MRPL14: variants seen among roughly 807,000 people sequenced by gnomAD.
MRPL14 encodes mitochondrial ribosomal protein L14.
Under a neutral mutation model 10.9 loss-of-function variants are expected in MRPL14, and 8 were observed. That is an observed-to-expected ratio of 0.74 (90% confidence interval 0.43 to 1.33). The LOEUF (loss-of-function observed/expected upper bound fraction) is 1.33, where lower values mean the gene tolerates loss of function less well. Ranked by LOEUF, MRPL14 falls within the 40% of genes most tolerant of loss-of-function variation. The pLI, the probability that MRPL14 is intolerant of heterozygous loss-of-function variation, is 0.01. For missense variants in MRPL14, 179 were observed against 194.5 expected (o/e 0.92, Z 0.47); for synonymous variants, 82 against 74.1 (o/e 1.11, Z -0.54).
At position 44,114,303 on chromosome 6, in the gene MRPL14, G is replaced by GT; in HGVS notation, c.72-95dup. 2.1e-6 allele frequency: 3 copies of GT among 1,415,256 alleles called. No homozygotes were observed. In the East Asian group the frequency reaches 6.9e-5, roughly 33 times the overall value. 87.7% of individuals were successfully genotyped at this position (1,415,256 alleles called of 1,614,324 possible). On this transcript the variant is annotated intron_variant, in intron 2 of 2. Coordinates refer to ENST00000372014, the MANE Select transcript of MRPL14 (RefSeq NM_032111.4). ...GGTCAAGGCTAGGGAGAATGTACAT[G>GT]TCAGCAACACACACAGAGCAGAGTG...
chr6:44,116,523 C>A lies in MRPL14; in HGVS notation c.71+18G>T. On this transcript the variant is annotated intron_variant, in intron 2 of 2. Coordinates refer to ENST00000372014, the MANE Select transcript of MRPL14 (RefSeq NM_032111.4). Reference sequence around the variant, plus strand: ...TTACACAAAGACACAGTTTTAAGAACTTAATGGGAAAAGTTACCTGAAACA... The same window carrying A: ...TTACACAAAGACACAGTTTTAAGAAATTAATGGGAAAAGTTACCTGAAACA... 5 of 1,613,612 alleles carry A rather than the reference C, an allele frequency of 3.1e-6. No individual in the cohort carries two copies. The highest frequency in any genetic ancestry group is 4.2e-6 in the Non-Finnish European group (5 of 1,179,574).
At chr6:44,119,354 C>T (rs1389524897) in intron 1 of MRPL14, among the ~76,000 whole-genome samples, 1 of 151,940 alleles carries the variant, frequency 6.6e-6, no homozygotes, top group East Asian at 1.9e-4. Context: ...CATGGTGAAA[C>T]CCTTCTCTAC....
At chr6:44,117,311 G>C (rs1008291610) in intron 1 of MRPL14, among the ~76,000 whole-genome samples, 1 of 152,194 alleles carries the variant, frequency 6.6e-6, no homozygotes, top group Non-Finnish European at 1.5e-5. Flanking sequence ...AGCTAAAAGA[G>C]CAAACACCAA....
intron 1 of MRPL14, among the ~76,000 whole-genome samples, chr6:44,123,757 C>G (rs1203882494): frequency 6.6e-6 from 1 of 152,154 alleles, no homozygotes; most frequent in Non-Finnish European, 1.5e-5. Context: ...TGTAATTACA[C>G]CACTTTGGGA....
Position 44,116,557 on chromosome 6 carries a change from T to C in MRPL14, c.55A>G (p.Ser19Gly). ...GPFTCVSRVL[S>G]HHCFSTTGSL... ...AAAAGTTACCTGAAACAGTGATGGC[T>C]CAGCACTCTGCTTACACAGGTGAAG... Residue 19 changes from serine to glycine, a missense_variant, in exon 2 of 3, where the codon AGC (serine) becomes GGC (glycine). Transcript: ENST00000372014. 1 of 1,614,136 alleles carries C rather than the reference T, an allele frequency of 6.2e-7. No individual in the cohort carries two copies.
intron 2 of MRPL14, among the ~76,000 whole-genome samples, chr6:44,115,649 G>A (rs2061066360): frequency 6.6e-6 from 1 of 151,722 alleles, no homozygotes; most frequent in Non-Finnish European, 1.5e-5. Flanking sequence ...GAATATAAAA[G>A]TGATGCTACT....
intron 1 of MRPL14, among the ~76,000 whole-genome samples, chr6:44,120,203 C>T (rs1457052530): frequency 6.6e-6 from 1 of 152,174 alleles, no homozygotes; most frequent in Non-Finnish European, 1.5e-5. Context: ...AATTGCTACC[C>T]CTCCTGAACA....
chr6:44,113,732 G>T lies in MRPL14; in HGVS notation c.*111C>A. The T allele has an allele frequency of 8.8e-7, 1 of 1,134,886 alleles. No homozygotes were observed. The allele number at this position is 1,134,886 out of a possible 1,614,324, so 70.3% of individuals were successfully genotyped here. A position where few individuals can be genotyped will look rare whatever the true frequency, so the allele number is the denominator to read the frequency against. The stretch of plus-strand genomic sequence containing the variant: ...TTATTCTCTCACAGGATACTACACT[G>T]TTACCCAGTGTGAAGGGAGCAGCCA... On this transcript the variant is annotated 3_prime_UTR_variant, in exon 3 of 3. Transcript: ENST00000372014.
chr6:44,127,169 C>CCCCCCTCCCCGTCGGGACCA (rs1777221589), intron 1 of MRPL14, 175 bp downstream of exon 1: 1 of 44,996 alleles, frequency 2.2e-5, no homozygotes, highest in Non-Finnish European at 6.2e-5. Flanking sequence ...CCCGTCGGGA[C>CCCCCCTCCCCGTCGGGACCA]CCCCCTCCCC....
chr6:44,119,237 C>T (rs188464157), intron 1 of MRPL14, among the ~76,000 whole-genome samples: 18 of 151,872 alleles, frequency 1.2e-4, no homozygotes, highest in Admixed American at 7.9e-4. Context: ...AGAATACTGA[C>T]GTCAGCTGGG....
At chr6:44,125,928 CTAAT>C (rs979390388) in intron 1 of MRPL14, among the ~76,000 whole-genome samples, 2 of 152,174 alleles carry the variant, frequency 1.3e-5, no homozygotes, top group Non-Finnish European at 2.9e-5. Context: ...ACTGCCCTTC[CTAAT>C]TAAGCCAACC....
chr6:44,116,170 G>A (rs1195203864), intron 2 of MRPL14, among the ~76,000 whole-genome samples: 1 of 152,188 alleles, frequency 6.6e-6, no homozygotes, highest in African/African-American at 2.4e-5. Flanking sequence ...TCATGCTCAA[G>A]TTCTTGGTAA....
intron 2 of MRPL14, among the ~76,000 whole-genome samples, chr6:44,115,602 C>T (rs1775768479): frequency 6.6e-6 from 1 of 151,340 alleles, no homozygotes; most frequent in Admixed American, 6.6e-5. Flanking sequence ...AGTTGGTTCC[C>T]ATTGCACTTC....
chr6:44,115,883 C>T (rs542172731), intron 2 of MRPL14, among the ~76,000 whole-genome samples: 1 of 152,370 alleles, frequency 6.6e-6, no homozygotes, highest in African/African-American at 2.4e-5. Context: ...CTATATGACG[C>T]CTTCCAAAGC....
chr6:44,116,706 G>A (rs1775885903), intron 1 of MRPL14, 77 bp from the exon 2 acceptor site: 1 of 906,444 alleles, frequency 1.1e-6, no homozygotes, highest in South Asian at 1.3e-5. Context: ...GGGGACTTGT[G>A]TGGGAGATGG....
intron 1 of MRPL14, among the ~76,000 whole-genome samples, chr6:44,125,869 T>C (rs1299928499): frequency 6.6e-6 from 1 of 152,166 alleles, no homozygotes; most frequent in African/African-American, 2.4e-5. Context: ...CCAAGCACTT[T>C]ACCAAAAACG....
At chr6:44,122,894 T>TC (rs1776591025) in intron 1 of MRPL14, among the ~76,000 whole-genome samples, 1 of 152,182 alleles carries the variant, frequency 6.6e-6, no homozygotes, top group African/African-American at 2.4e-5. Context: ...ACACAACCCC[T>TC]CCCACCTCAG....
At chr6:44,115,160 C>T (rs1775716325) in intron 2 of MRPL14, among the ~76,000 whole-genome samples, 3 of 149,082 alleles carry the variant, frequency 2.0e-5, no homozygotes, top group Admixed American at 1.4e-4. Flanking sequence ...CTGGTGTTTC[C>T]GCAGGGTAAT....
intron 2 of MRPL14, among the ~76,000 whole-genome samples, chr6:44,115,624 A>G (rs1775770859): frequency 6.6e-6 from 1 of 151,448 alleles, no homozygotes; most frequent in South Asian, 2.1e-4. Context: ...CTTTGCCAAC[A>G]AAGAGCTCTC....
Sources: allele counts gnomAD v4.1 joint callset (sites outside exome capture counted in the v4.1 genomes callset), GRCh38; gene constraint gnomAD v4.1.1; transcripts MANE v1.5; gene names NCBI Gene and HGNC (gene_info 2026-07-23, HGNC 2026-07-21).